Variants in ZNF558 observed in about 807,000 individuals in gnomAD.
The protein encoded by ZNF558 is zinc finger protein 558.
A neutral mutation model predicts 37.6 loss-of-function variants in ZNF558; 23 were observed. The observed-to-expected ratio is 0.61, with a 90% CI of 0.44 to 0.87. ZNF558 has a LOEUF of 0.87. ZNF558 is among the 40% of genes least tolerant of loss of function. ZNF558 has a pLI of 0.00. For synonymous variants in ZNF558, 189 were observed against 174.4 expected (o/e 1.08, Z -0.66); for missense variants, 429 against 483.7 (o/e 0.89, Z 1.06).
upstream of ZNF558, among the ~76,000 whole-genome samples, chr19:8,835,585 G>T (rs1190381752): frequency 3.3e-5 from 5 of 152,184 alleles, no homozygotes; most frequent in African/African-American, 1.2e-4. Flanking sequence ...TGTCAGGATT[G>T]TAAAATGGTG....
In ZNF558 at chr19:8,828,558, C is replaced by T. The variant is rs539882745; in HGVS notation, c.-509+2760G>A. On this transcript the variant is annotated intron_variant, in intron 2 of 9. Coordinates refer to ENST00000601372, the MANE Select transcript of ZNF558 (RefSeq NM_144693.3). ...TGAATCTACCTATGACAAGCTCCTGCTTCAAGACATCCTTGCCCTTTTAAG... is the reference window on the plus strand; with the variant it reads ...TGAATCTACCTATGACAAGCTCCTGTTTCAAGACATCCTTGCCCTTTTAAG... Among the ~76,000 whole-genome samples, 7 of 152,348 alleles carry T rather than the reference C, an allele frequency of 4.6e-5. No individual in the cohort carries two copies. The East Asian group carries it at 1.2e-3, about 25-fold the overall frequency.
chr19:8,817,653 C>T (rs1052797186), intron 7 of ZNF558, among the ~76,000 whole-genome samples: 1 of 151,840 alleles, frequency 6.6e-6, no homozygotes, highest in African/African-American at 2.4e-5. Context: ...GTCTATAAGA[C>T]ACTTGCTTTA....
rs767880121 is a variant in ZNF558 at position 8,822,655 on chromosome 19, G to A, written c.5C>T (p.Ala2Val). MAAVILPSTAAP... is the reference protein window; with the variant it reads MVAVILPSTAAP... ...AGCAGTCGAGGGCAGGATGACAGCC[G>A]CCATCCTGTGACTCCGACAGCAACA... Residue 2 changes from alanine to valine, a missense_variant, in exon 5 of 10, where the codon GCG becomes GTG. By Grantham distance (64) the Ala-to-Val change is moderately conservative. Coordinates refer to ENST00000601372, the MANE Select transcript of ZNF558 (RefSeq NM_144693.3). The surrounding 1 kb of genome is among the most constrained non-coding windows in gnomAD (Gnocchi z 4.4). 16 of 1,613,948 alleles carry A rather than the reference G, an allele frequency of 9.9e-6. No individual in the cohort carries two copies. The highest frequency in any genetic ancestry group is 4.4e-5 in the South Asian group (4 of 91,084).
intron 7 of ZNF558, among the ~76,000 whole-genome samples, chr19:8,816,528 G>A (rs1169705091): frequency 1.3e-5 from 2 of 152,108 alleles, no homozygotes; most frequent in Non-Finnish European, 2.9e-5. Context: ...TCAAAGAGCT[G>A]AGAAAAAATG....
At chr19:8,815,840 T>C (rs1482672121) in intron 7 of ZNF558, among the ~76,000 whole-genome samples, 5 of 151,600 alleles carry the variant, frequency 3.3e-5, no homozygotes, top group Non-Finnish European at 5.9e-5. Context: ...TTAAAAAAGA[T>C]GAACAGAGCC....
intron 7 of ZNF558, 117 bp downstream of exon 7, chr19:8,821,063 G>C: frequency 6.9e-7 from 1 of 1,450,934 alleles, no homozygotes. Flanking sequence ...TCTTAGAATG[G>C]TTAAAAATGG....
rs369090472 is a variant in ZNF558, at chr19:8,811,304, T to C, written c.1186A>G (p.Arg396Gly). Residue 396 changes from arginine to glycine, a missense_variant, in exon 10 of 10, where the codon AGA becomes GGA. Coordinates refer to ENST00000601372, the MANE Select transcript of ZNF558 (RefSeq NM_144693.3). ...ATTCATATCCATCTATTATGTATTCTCTTGTGCACAGAAAGATAGGAGTTA... is the reference window on the plus strand; with the variant it reads ...ATTCATATCCATCTATTATGTATTCCCTTGTGCACAGAAAGATAGGAGTTA... ...TSNSYLSVHKRIHNRWI is the reference protein window; with the variant it reads ...TSNSYLSVHKGIHNRWI 11 of 1,590,456 alleles carry C rather than the reference T, an allele frequency of 6.9e-6. 1 individual carries two copies. The highest frequency in any genetic ancestry group is 9.4e-6 in the Non-Finnish European group (11 of 1,169,890).
chr19:8,827,571 C>CTTTTTTTT lies in ZNF558; in HGVS notation c.-508-2471_-508-2464dup, dbSNP rs386388513. Among the ~76,000 whole-genome samples, 65 of 94,106 alleles carry CTTTTTTTT rather than the reference C, an allele frequency of 6.9e-4. 1 individual carries two copies. The highest frequency in any genetic ancestry group is 1.0e-3 in the Non-Finnish European group (50 of 48,148). The allele number at this position is 94,106 out of a possible 152,430, so 61.7% of individuals were successfully genotyped here. Reference sequence around the variant, plus strand: ...TCTTGGTCACACTTCTTTCCCTATTCTTTTTTTTTTTTTTTTTTTTTTTTG... The same window carrying CTTTTTTTT: ...TCTTGGTCACACTTCTTTCCCTATTCTTTTTTTTTTTTTTTTTTTTTTTTTTTTTTTTG... On this transcript the variant is annotated intron_variant, in intron 2 of 9. Transcript: ENST00000601372.
In ZNF558 at chr19:8,809,154, G is replaced by A. The variant is rs1463884166; in HGVS notation, c.*2127C>T. ...CAGATGCAGCCAATCGGAGGCTCCT[G>A]GAGAGCCCAAAGCATTGTGATTTTT... On this transcript the variant is annotated 3_prime_UTR_variant, in exon 10 of 10. Transcript: ENST00000601372. 6.6e-6 allele frequency: 1 copy of A among 152,170 alleles called. No homozygotes were observed. Among genetic ancestry groups the A allele is most frequent in the Non-Finnish European group, 1.5e-5 (1 of 68,048 alleles). The allele number at this position is 152,170 out of a possible 1,614,324, so 9.4% of individuals were successfully genotyped here.
chr19:8,838,090 T>C, the ZNF558 span, among the ~76,000 whole-genome samples: 1 of 149,984 alleles, frequency 6.7e-6, no homozygotes, highest in South Asian at 2.1e-4. Context: ...CTACTAAAAA[T>C]ACAAAAAATA....
chr19:8,813,216 CG>C lies in ZNF558; in HGVS notation c.253del (p.Arg85ValfsTer7). 1 of 1,589,004 alleles carries C rather than the reference CG, an allele frequency of 6.3e-7. No individual in the cohort carries two copies. Among genetic ancestry groups the C allele is most frequent in the Non-Finnish European group, 8.6e-7 (1 of 1,166,332 alleles). ...NCRNLASLGC[R>X]VNKPSLISQL... ...GGATATCAGACTGGGTTTATTAACA[CG>C]ACACCCTATTTATGGAAACAATACA... On this transcript the variant is annotated frameshift_variant, in exon 8 of 10. Coordinates refer to ENST00000601372, the MANE Select transcript of ZNF558 (RefSeq NM_144693.3). LOFTEE classifies it high-confidence loss of function.
chr19:8,828,335 C>T (rs2044278128), intron 2 of ZNF558, among the ~76,000 whole-genome samples: 2 of 152,144 alleles, frequency 1.3e-5, no homozygotes, highest in African/African-American at 2.4e-5. Flanking sequence ...ACTGAGGACC[C>T]CACCAAATGG....
rs2043757011 is a variant in ZNF558 at position 8,810,462 on chromosome 19, T to C, written c.*819A>G. 6.6e-6 allele frequency: 1 copy of C among 152,236 alleles called. No individual in the cohort carries two copies. Among genetic ancestry groups the C allele is most frequent in the African/African-American group, 2.4e-5 (1 of 41,452 alleles). 9.4% of individuals were successfully genotyped at this position (152,236 alleles called of 1,614,324 possible). On this transcript the variant is annotated 3_prime_UTR_variant, in exon 10 of 10. Coordinates refer to ENST00000601372, the MANE Select transcript of ZNF558 (RefSeq NM_144693.3). ...CCTGCTGATAGCACTGAAGGCTTTC[T>C]ACAGCTGTTCCATTCTTCAGGATTC...
intron 7 of ZNF558, among the ~76,000 whole-genome samples, chr19:8,820,180 C>T (rs917829884): frequency 9.9e-5 from 15 of 152,112 alleles, no homozygotes; most frequent in African/African-American, 3.1e-4. Flanking sequence ...CCTGCATTGG[C>T]GGGAACGTGC....
intron 7 of ZNF558, among the ~76,000 whole-genome samples, chr19:8,813,803 G>A (rs2043859887): frequency 6.6e-6 from 1 of 152,160 alleles, no homozygotes; most frequent in Non-Finnish European, 1.5e-5. Flanking sequence ...CACTTCAGAG[G>A]CCCCAAAACT....
At chr19:8,829,848 A>G (rs1191324539) in intron 2 of ZNF558, among the ~76,000 whole-genome samples, 1 of 152,246 alleles carries the variant, frequency 6.6e-6, no homozygotes, top group Non-Finnish European at 1.5e-5. Flanking sequence ...ACACACACAC[A>G]ATTAGTAGAA....
In ZNF558 at chr19:8,808,626, A is replaced by G. The variant is rs2043723123; in HGVS notation, c.*2655T>C. 2 of 152,222 alleles carry G rather than the reference A, an allele frequency of 1.3e-5. No individual in the cohort carries two copies. The highest frequency in any genetic ancestry group is 4.8e-5 in the African/African-American group (2 of 41,458). 9.4% of individuals were successfully genotyped at this position (152,222 alleles called of 1,614,324 possible). The stretch of plus-strand genomic sequence containing the variant: ...TATATCCAAATATTAGAGAATATAC[A>G]TTGTTTTCAAAGAAACAACATGGGT... On this transcript the variant is annotated 3_prime_UTR_variant, in exon 10 of 10. Coordinates refer to ENST00000601372, the MANE Select transcript of ZNF558 (RefSeq NM_144693.3).
chr19:8,826,819 A>G (rs2044243249), intron 2 of ZNF558, among the ~76,000 whole-genome samples: 1 of 152,198 alleles, frequency 6.6e-6, no homozygotes, highest in South Asian at 2.1e-4. Flanking sequence ...TTGTTATAGC[A>G]TCAATAGGAA....
In ZNF558 at chr19:8,811,200, T is replaced by C. The variant is rs559120167; in HGVS notation, c.*81A>G. The C allele has an allele frequency of 1.8e-5, 26 of 1,407,250 alleles. No homozygotes were observed. Among genetic ancestry groups the C allele is most frequent in the East Asian group, 9.2e-5 (4 of 43,250 alleles). The allele number at this position is 1,407,250 out of a possible 1,614,324, so 87.2% of individuals were successfully genotyped here. A position where few individuals can be genotyped will look rare whatever the true frequency, so the allele number is the denominator to read the frequency against. On this transcript the variant is annotated 3_prime_UTR_variant, in exon 10 of 10. Coordinates refer to ENST00000601372, the MANE Select transcript of ZNF558 (RefSeq NM_144693.3). ...TTGTTATGCTGCAACAAATAACTTA[T>C]ATATCCAGTGTGAGCTCTCTCAAAC...
Sources: gnomAD v4.1 joint callset for allele counts (sites outside exome capture counted in the v4.1 genomes callset) on GRCh38, gnomAD v4.1.1 for gene constraint, Gnocchi (gnomAD v3.1) non-coding constraint, MANE v1.5 for transcripts, NCBI Gene and HGNC (gene_info 2026-07-23, HGNC 2026-07-21) for gene names.